NEB: variants seen among roughly 807,000 people sequenced by gnomAD.
The protein encoded by NEB is nemaline myopathy type 2.
Under a neutral mutation model 952.2 loss-of-function variants are expected in NEB, and 512 were observed. The ratio of observed to expected loss-of-function variants is 0.54; its 90% CI spans 0.50 to 0.58. NEB has a LOEUF of 0.58. NEB is among the 20% of genes least tolerant of loss of function. The pLI, the probability that NEB is intolerant of heterozygous loss-of-function variation, is 0.00. For synonymous variants in NEB, 2,900 were observed against 3,149.8 expected, an observed-to-expected ratio of 0.92 and a Z score of 2.66; for missense variants, 8,428 against 9,231.1, an observed-to-expected ratio of 0.91 and a Z score of 3.56.
rs1387960310 is a variant in NEB at position 151,527,557 on chromosome 2, T to C, written c.21764A>G (p.Asn7255Ser). 1 of 1,612,994 alleles carries C rather than the reference T, an allele frequency of 6.2e-7. No individual in the cohort carries two copies. The highest frequency in any genetic ancestry group is 1.3e-5 in the African/African-American group (1 of 74,928). ...AGGAGTCCACTTCCAGTGGGCTTTG[T>C]TGGCTTCGTACTGTTTCTTATAGTC... is the stretch of plus-strand genomic sequence containing the variant. Reference protein sequence around the residue: ...NLDYKKQYEANKAHWKWTPDR... With the variant: ...NLDYKKQYEASKAHWKWTPDR... Residue 7255 changes from asparagine (N) to serine (S), a missense_variant, in exon 147 of 182, where the codon AAC (asparagine) becomes AGC (serine). Coordinates refer to ENST00000397345, the MANE Select transcript of NEB (RefSeq NM_001164508.2).
chr2:151,522,014 T>C (rs2082277984), intron 153 of NEB, among the ~76,000 whole-genome samples: 1 of 152,194 alleles, frequency 6.6e-6, no homozygotes, highest in Non-Finnish European at 1.5e-5. Flanking sequence ...GGTGAAGCTT[T>C]TTCCCATTAA....
intron 124 of NEB, among the ~76,000 whole-genome samples, 189 bp from the exon 125 acceptor site, chr2:151,555,233 C>T (rs1282149779): frequency 6.6e-6 from 1 of 152,206 alleles, no homozygotes; most frequent in Non-Finnish European, 1.5e-5. Context: ...ATGGGGTTAT[C>T]GTGTGGCTTA....
At chr2:151,643,410 A>G (rs868060264) in intron 57 of NEB, 57 bp from the exon 58 acceptor site, 1 of 1,406,802 alleles carries the variant, frequency 7.1e-7, no homozygotes, top group Non-Finnish European at 9.7e-7. Flanking sequence ...AATTTGTCAT[A>G]ATTTGTCATA....
chr2:151,514,840 T>C lies in NEB; in HGVS notation c.22994A>G (p.Tyr7665Cys), dbSNP rs1203863558. ...EVTPALLHVK[Y>C]ATKIASEKEY... ...TACCTCGCTTGCTATTTTAGTTGCA[T>C]ATTTGACATGTAACAAAGCTGGCGT... Residue 7665 changes from tyrosine (Y) to cysteine (C), a missense_variant, in exon 158 of 182, where the codon TAT becomes TGT. Tyr to Cys is a radical substitution (Grantham distance 194). Coordinates refer to ENST00000397345, the MANE Select transcript of NEB (RefSeq NM_001164508.2). The C allele has an allele frequency of 7.0e-6, 11 of 1,581,418 alleles. No homozygotes were observed. Among genetic ancestry groups the C allele is most frequent in the Non-Finnish European group, 9.5e-6 (11 of 1,162,054 alleles).
At position 151,527,334 on chromosome 2, in the gene NEB, A is replaced by C. The variant is rs569340100; in HGVS notation, c.21840+147T>G. 4.2e-6 allele frequency: 3 copies of C among 722,380 alleles called. No homozygotes were observed. In the East Asian group the frequency reaches 8.2e-5, roughly 20 times the overall value. 44.7% of individuals were successfully genotyped at this position (722,380 alleles called of 1,614,324 possible). A position where few individuals can be genotyped will look rare whatever the true frequency, so the allele number is the denominator to read the frequency against. ...GCAGGTTTGGGTTCTGAGCTCGCCT[A>C]TCGCTCCCCCAACCATCCTCCTCTC... On this transcript the variant is annotated intron_variant, in intron 147 of 181. Coordinates refer to ENST00000397345, the MANE Select transcript of NEB (RefSeq NM_001164508.2).
At chr2:151,682,323 G>A (rs918706782) in intron 29 of NEB, among the ~76,000 whole-genome samples, 2 of 152,148 alleles carry the variant, frequency 1.3e-5, no homozygotes, top group African/African-American at 4.8e-5. Context: ...TACACTTAAT[G>A]TGAGTTACTT....
intron 156 of NEB, 50 bp from the exon 157 acceptor site, chr2:151,516,613 A>G (rs2077843235): frequency 8.2e-7 from 1 of 1,217,238 alleles, no homozygotes; most frequent in Non-Finnish European, 1.2e-6. Flanking sequence ...CAATTCCTAG[A>G]CAGCAGTTTA....
At chr2:151,526,096 A>G (rs2085637902) in intron 149 of NEB, 28 bp from the exon 150 acceptor site, 1 of 1,612,280 alleles carries the variant, frequency 6.2e-7, no homozygotes, top group Non-Finnish European at 8.5e-7. Flanking sequence ...GAGCTCATTA[A>G]GGCATCTGCC....
chr2:151,549,575 T>C, intron 130 of NEB, 61 bp downstream of exon 130: 1 of 1,070,022 alleles, frequency 9.3e-7, no homozygotes, highest in Non-Finnish European at 1.4e-6. Flanking sequence ...GGCTATTAAT[T>C]AATATGAGTC....
intron 40 of NEB, among the ~76,000 whole-genome samples, 170 bp from the exon 41 acceptor site, chr2:151,666,571 T>C (rs1575599888): frequency 6.6e-6 from 1 of 152,136 alleles, no homozygotes; most frequent in East Asian, 1.9e-4. Flanking sequence ...TAATGGCTCA[T>C]CTTGAGACCT....
chr2:151,574,722 TTTTATTTA>T (rs10529317), intron 107 of NEB, among the ~76,000 whole-genome samples: 4 of 147,696 alleles, frequency 2.7e-5, no homozygotes, highest in East Asian at 2.0e-4. Flanking sequence ...ACAGTTTAAA[TTTTATTTA>T]TTTATTTATT....
rs567345432 is a variant in NEB at position 151,699,133 on chromosome 2, A to T, written c.1153-1485T>A. 1.9e-3 allele frequency among the ~76,000 whole-genome samples: 262 copies of T among 136,098 alleles called. 9 individuals carry two copies. The East Asian group carries it at 0.053, about 27-fold the overall frequency. 89.3% of individuals were successfully genotyped at this position (136,098 alleles called of 152,430 possible). A position where few individuals can be genotyped will look rare whatever the true frequency, so the allele number is the denominator to read the frequency against. On this transcript the variant is annotated intron_variant, in intron 13 of 181. Coordinates refer to ENST00000397345, the MANE Select transcript of NEB (RefSeq NM_001164508.2). ...CGGTGTTTGGTTTTTTGTTCTTGCG[A>T]TAGTTTACTGAGAATGATGATTTCC... is the stretch of plus-strand genomic sequence containing the variant.
chr2:151,686,209 T>C lies in NEB; in HGVS notation c.2637+1210A>G, dbSNP rs141535165. Among the ~76,000 whole-genome samples the C allele has an allele frequency of 4.1e-3, 620 of 152,352 alleles. 5 individuals are homozygous for C. The highest frequency in any genetic ancestry group is 0.014 in the African/African-American group (581 of 41,586). On this transcript the variant is annotated intron_variant, in intron 27 of 181. Transcript: ENST00000397345. ...ACCAGCTGACACATACCAGTACATA[T>C]AAAATGTTGTCAAAGATCCAAATGG...
At chr2:151,731,774 TA>T (rs1303193995) in intron 3 of NEB, among the ~76,000 whole-genome samples, 2 of 152,170 alleles carry the variant, frequency 1.3e-5, no homozygotes, top group Non-Finnish European at 2.9e-5. Flanking sequence ...AGTTGGAGAG[TA>T]AAAACTGTTA....
chr2:151,512,934 A>T (rs1161746226), intron 160 of NEB, 97 bp from the exon 161 acceptor site: 1 of 774,184 alleles, frequency 1.3e-6, no homozygotes, highest in Admixed American at 2.3e-5. Flanking sequence ...TTCTTTTCCA[A>T]GAGGGACTCA....
intron 61 of NEB, 94 bp from the exon 62 acceptor site, chr2:151,640,154 T>A (rs2098828742): frequency 6.7e-7 from 1 of 1,500,536 alleles, no homozygotes; most frequent in African/African-American, 1.4e-5. Flanking sequence ...ACTCTCAAAA[T>A]TTAGTTTGGT....
intron 10 of NEB, among the ~76,000 whole-genome samples, chr2:151,713,735 A>G (rs2099751730): frequency 6.6e-6 from 1 of 152,174 alleles, no homozygotes; most frequent in African/African-American, 2.4e-5. Context: ...GCCTGTTTCT[A>G]TGAACAACTC....
At position 151,697,397 on chromosome 2, in the gene NEB, C is replaced by T. The variant is rs767987110; in HGVS notation, c.1318G>A (p.Asp440Asn). 1.9e-6 allele frequency: 3 copies of T among 1,613,956 alleles called. No individual in the cohort carries two copies. Among genetic ancestry groups the T allele is most frequent in the African/African-American group, 1.3e-5 (1 of 75,052 alleles). The stretch of plus-strand genomic sequence containing the variant: ...TTCATGCAGTGTGAATGGTATGGAT[C>T]CTCGAAGCTGCCTACATAATGTCCC... ...ILGHYVGSFEDPYHSHCMKVT... is the reference protein window; with the variant it reads ...ILGHYVGSFENPYHSHCMKVT... The change falls in exon 15 of 182, where the codon GAT (aspartate) becomes AAT (asparagine). Residue 440 changes from aspartate to asparagine, a missense_variant. Around this residue, in one of 11 missense-constraint regions of NEB, gnomAD observed 2,851 missense variants for 2,791.5 expected, o/e 1.02. Coordinates refer to ENST00000397345, the MANE Select transcript of NEB (RefSeq NM_001164508.2).
intron 27 of NEB, 83 bp downstream of exon 27, chr2:151,687,336 A>G: frequency 8.4e-7 from 1 of 1,193,748 alleles, no homozygotes; most frequent in Non-Finnish European, 1.2e-6. Context: ...CATGCTCATG[A>G]AATTCTTTTC....
Sources: gnomAD v4.1 joint callset for allele counts (sites outside exome capture counted in the v4.1 genomes callset) on GRCh38, gnomAD v4.1.1 for gene constraint, gnomAD v4.1.1 regional missense constraint, MANE v1.5 for transcripts, NCBI Gene and HGNC (gene_info 2026-07-23, HGNC 2026-07-21) for gene names.